C11orf21: variants seen among roughly 807,000 people sequenced by gnomAD.
C11orf21 encodes chromosome 11 open reading frame 21.
A neutral mutation model predicts 15.2 loss-of-function variants in C11orf21; 19 were observed. The observed-to-expected ratio is 1.25, with a 90% CI of 0.87 to 1.84. C11orf21 has a LOEUF of 1.84. C11orf21 is among the 40% of genes most tolerant of loss of function. The pLI is 0.00. For missense variants in C11orf21, 171 were observed against 174.4 expected, an observed-to-expected ratio of 0.98 and a Z score of 0.11; for synonymous variants, 62 against 66.8, an observed-to-expected ratio of 0.93 and a Z score of 0.35.
upstream of C11orf21, chr11:2,302,933 C>T (rs1357343926): frequency 1.9e-6 from 3 of 1,613,536 alleles, no homozygotes; most frequent in Non-Finnish European, 2.5e-6. Flanking sequence ...TGGAGAAGAA[C>T]CCGTACCAGG....
chr11:2,298,303 G>A (rs1763851196), intron 3 of C11orf21, among the ~76,000 whole-genome samples: 1 of 152,202 alleles, frequency 6.6e-6, no homozygotes, highest in African/African-American at 2.4e-5. Context: ...GGCCTGAAAG[G>A]GGATGGGCGT....
upstream of C11orf21, chr11:2,302,849 G>A: frequency 6.2e-7 from 1 of 1,613,258 alleles, no homozygotes; most frequent in Non-Finnish European, 8.5e-7. Context: ...CACAGCTGCT[G>A]GGCCTCTCTG....
chr11:2,302,667 G>A (rs981892478), upstream of C11orf21: 15 of 608,486 alleles, frequency 2.5e-5, no homozygotes, highest in South Asian at 1.2e-4. Flanking sequence ...GTGCTGGGGC[G>A]TCTGCAGTGA....
intron 3 of C11orf21, among the ~76,000 whole-genome samples, chr11:2,299,019 T>TGCCCAGA (rs1847603290): frequency 1.3e-5 from 2 of 152,234 alleles, no homozygotes; most frequent in Middle Eastern, 3.4e-3. Flanking sequence ...AGCAGAGCAG[T>TGCCCAGA]GCCCAGAGCC....
At chr11:2,300,362 G>A (rs1165308381) in intron 2 of C11orf21, among the ~76,000 whole-genome samples, 158 bp downstream of exon 2, 2 of 149,364 alleles carry the variant, frequency 1.3e-5, no homozygotes, top group Non-Finnish European at 3.0e-5. Context: ...AGGGTGTGGG[G>A]TGGGCAGCAG....
Position 2,299,465 on chromosome 11 carries a change from T to C in C11orf21, c.390A>G (p.Leu130=). ...GAAAAGGGTCCCTGTCTCAGGAAGGTAGAGGCTGCCACCTCCTGGCCCGAG... is the reference window on the plus strand; with the variant it reads ...GAAAAGGGTCCCTGTCTCAGGAAGGCAGAGGCTGCCACCTCCTGGCCCGAG... ...LCPRARRWQP[L]PS The change falls in exon 3 of 4, where the codon CTA becomes CTG. Residue 130 remains leucine, a synonymous_variant. Transcript: ENST00000381153. 1 of 1,549,942 alleles carries C rather than the reference T, an allele frequency of 6.5e-7. No individual in the cohort carries two copies. Among genetic ancestry groups the C allele is most frequent in the Non-Finnish European group, 8.7e-7 (1 of 1,146,788 alleles).
At chr11:2,299,793 G>C in intron 2 of C11orf21, 86 bp from the exon 3 acceptor site, 1 of 1,514,492 alleles carries the variant, frequency 6.6e-7, no homozygotes, top group Non-Finnish European at 8.9e-7. Context: ...GGAAGTCCCT[G>C]GCGGGTAAAC....
At chr11:2,302,801 C>A, upstream of C11orf21, 1 of 1,553,100 alleles carries the variant, frequency 6.4e-7, no homozygotes, top group Non-Finnish European at 8.9e-7. Flanking sequence ...CCTGCTCCTG[C>A]AGCAGTCCCA....
intron 1 of C11orf21, chr11:2,301,339 A>T: frequency 5.3e-6 from 1 of 187,178 alleles, no homozygotes; most frequent in East Asian, 1.5e-4. Context: ...TGATGGATTC[A>T]CCTGGAACAT....
intron 2 of C11orf21, 71 bp downstream of exon 2, chr11:2,300,449 A>G: frequency 2.1e-6 from 2 of 974,732 alleles, no homozygotes; most frequent in Non-Finnish European, 3.1e-6. Flanking sequence ...GTGGCTCAGC[A>G]AAGGGCGTGG....
At position 2,296,326 on chromosome 11, in the gene C11orf21, A is replaced by T. The variant is rs1335918129; in HGVS notation, c.*1624T>A. 6.6e-6 allele frequency: 1 copy of T among 152,098 alleles called. No homozygotes were observed. The highest frequency in any genetic ancestry group is 3.4e-3 in the Middle Eastern group (1 of 292). 9.4% of individuals were successfully genotyped at this position (152,098 alleles called of 1,614,324 possible). On this transcript the variant is annotated 3_prime_UTR_variant, in exon 4 of 4. Coordinates refer to ENST00000381153, the MANE Select transcript of C11orf21 (RefSeq NM_001329958.2). The surrounding 1 kb of genome is among the most constrained non-coding windows in gnomAD (Gnocchi z 5.6). Reference sequence around the variant, plus strand: ...TGCTGGCTGCCACATACGTCTGTTTACTCACCCATCTGAGGCTAGGGAAGT... The same window carrying T: ...TGCTGGCTGCCACATACGTCTGTTTTCTCACCCATCTGAGGCTAGGGAAGT...
intron 1 of C11orf21, 185 bp from the exon 2 acceptor site, chr11:2,300,798 A>G: frequency 6.5e-7 from 1 of 1,548,612 alleles, no homozygotes; most frequent in Non-Finnish European, 8.7e-7. Flanking sequence ...AGCCAAGAGC[A>G]GCTCATCTTC....
At chr11:2,299,388 A>T (rs961018505) in intron 3 of C11orf21, 40 bp downstream of exon 3, 4 of 1,532,496 alleles carry the variant, frequency 2.6e-6, no homozygotes, top group Non-Finnish European at 3.5e-6. Flanking sequence ...CAGACAGCAC[A>T]GGGGCCCCCA....
intron 2 of C11orf21, among the ~76,000 whole-genome samples, 174 bp from the exon 3 acceptor site, chr11:2,299,881 C>T (rs1352598414): frequency 3.3e-5 from 5 of 151,276 alleles, no homozygotes; most frequent in African/African-American, 7.3e-5. Context: ...CATGCATCCA[C>T]GCCCAATCTC....
intron 3 of C11orf21, among the ~76,000 whole-genome samples, chr11:2,298,567 C>T (rs57739880): frequency 0.19 from 29,166 of 151,934 alleles, 2,935 homozygotes; most frequent in African/African-American, 0.26. Flanking sequence ...TGCCCAGGCC[C>T]GGGGGGTCAC....
At chr11:2,299,316 C>T in intron 3 of C11orf21, 112 bp downstream of exon 3, 2 of 1,182,692 alleles carry the variant, frequency 1.7e-6, no homozygotes, top group Non-Finnish European at 2.3e-6. Flanking sequence ...CTCCAGGCCC[C>T]ACTCGCTGTG....
chr11:2,298,001 A>T (rs368306799), intron 3 of C11orf21, 80 bp from the exon 4 acceptor site: 31 of 152,160 alleles, frequency 2.0e-4, no homozygotes, highest in African/African-American at 7.2e-4. Context: ...ATCCTATGGG[A>T]CCAGGGACCT....
intron 3 of C11orf21, among the ~76,000 whole-genome samples, chr11:2,298,899 G>A (rs1298639247): frequency 6.6e-6 from 1 of 152,118 alleles, no homozygotes; most frequent in Non-Finnish European, 1.5e-5. Flanking sequence ...CTTGGGGGGG[G>A]AAGCAGGGTG....
At chr11:2,298,897 G>GA (rs1450906640) in intron 3 of C11orf21, among the ~76,000 whole-genome samples, 6 of 152,136 alleles carry the variant, frequency 3.9e-5, no homozygotes, top group Admixed American at 2.6e-4. Context: ...TCCTTGGGGG[G>GA]GGAAGCAGGG....
Sources: gnomAD v4.1 joint callset for allele counts (sites outside exome capture counted in the v4.1 genomes callset) on GRCh38, gnomAD v4.1.1 for gene constraint, Gnocchi (gnomAD v3.1) non-coding constraint, MANE v1.5 for transcripts, NCBI Gene and HGNC (gene_info 2026-07-23, HGNC 2026-07-21) for gene names.